Variants in KPNA1 observed in about 807,000 individuals in gnomAD.
The protein encoded by KPNA1 is importin subunit alpha-5.
A neutral mutation model predicts 70.5 loss-of-function variants in KPNA1; 10 were observed. The ratio of observed to expected loss-of-function variants is 0.14; its 90% confidence interval spans 0.09 to 0.24. KPNA1 has a LOEUF of 0.24. Ranked by LOEUF, KPNA1 falls within the 10% of genes least tolerant of loss-of-function variation. KPNA1 has a pLI of 1.00. For missense variants in KPNA1, 397 were observed against 637.9 expected (o/e 0.62, Z 4.07); for synonymous variants, 192 against 221.9 (o/e 0.87, Z 1.20).
At chr3:122,452,547 A>G in intron 6 of KPNA1, among the ~76,000 whole-genome samples, 1 of 32,882 alleles carries the variant, frequency 3.0e-5, no homozygotes, top group South Asian at 2.0e-3. Flanking sequence ...GGAGGGAAGG[A>G]GGGAGGGAGG....
intron 2 of KPNA1, among the ~76,000 whole-genome samples, 169 bp from the exon 3 acceptor site, chr3:122,467,598 CTT>C (rs2076395881): frequency 6.6e-6 from 1 of 151,854 alleles, no homozygotes; most frequent in Non-Finnish European, 1.5e-5. Context: ...TCTCCATAGT[CTT>C]ATAATCAAAT....
intron 1 of KPNA1, among the ~76,000 whole-genome samples, chr3:122,497,164 T>C (rs1406489959): frequency 1.3e-5 from 2 of 152,236 alleles, no homozygotes; most frequent in Non-Finnish European, 2.9e-5. Flanking sequence ...ACATTTCACA[T>C]GAACAGAACA....
chr3:122,489,042 G>C (rs2076663621), intron 2 of KPNA1, among the ~76,000 whole-genome samples: 1 of 122,940 alleles, frequency 8.1e-6, no homozygotes, highest in Non-Finnish European at 1.7e-5. Context: ...ACTCGCTTGT[G>C]GGTTTTTTTG....
chr3:122,503,241 T>C (rs763046362), intron 1 of KPNA1, among the ~76,000 whole-genome samples: 1 of 150,318 alleles, frequency 6.7e-6, no homozygotes, highest in African/African-American at 2.4e-5. Flanking sequence ...AAAGCCAGTG[T>C]TGGAAGCATG....
At chr3:122,477,145 AT>A (rs2076511080) in intron 2 of KPNA1, among the ~76,000 whole-genome samples, 1 of 152,188 alleles carries the variant, frequency 6.6e-6, no homozygotes, top group African/African-American at 2.4e-5. Context: ...AACCTGGAGG[AT>A]ATTATGTTAA....
chr3:122,437,070 G>T, intron 11 of KPNA1, 100 bp downstream of exon 11: 1 of 1,244,194 alleles, frequency 8.0e-7, no homozygotes, highest in Non-Finnish European at 1.1e-6. Flanking sequence ...AGGAGCCACC[G>T]CACCCAGCCA....
At chr3:122,471,163 C>T (rs191565193) in intron 2 of KPNA1, among the ~76,000 whole-genome samples, 99 of 152,124 alleles carry the variant, frequency 6.5e-4, no homozygotes, top group African/African-American at 2.3e-3. Context: ...AGAAGCTGGG[C>T]CTGCATACAA....
At chr3:122,440,348 A>G (rs1332275613) in intron 10 of KPNA1, among the ~76,000 whole-genome samples, 1 of 152,190 alleles carries the variant, frequency 6.6e-6, no homozygotes, top group Non-Finnish European at 1.5e-5. Flanking sequence ...GAGAATGTGG[A>G]TATGTGTGAG....
At chr3:122,431,772 A>AAT (rs1352808270) in intron 12 of KPNA1, among the ~76,000 whole-genome samples, 1 of 152,020 alleles carries the variant, frequency 6.6e-6, no homozygotes, top group Non-Finnish European at 1.5e-5. Context: ...GGCATAATAA[A>AAT]ATATATATGT....
intron 2 of KPNA1, among the ~76,000 whole-genome samples, chr3:122,490,014 T>C (rs566799509): frequency 7.2e-5 from 11 of 152,364 alleles, no homozygotes; most frequent in African/African-American, 1.2e-4. Flanking sequence ...GCTAGAGGGA[T>C]AGGCACTGTT....
chr3:122,436,548 A>G (rs901042540), intron 11 of KPNA1, among the ~76,000 whole-genome samples: 6 of 152,314 alleles, frequency 3.9e-5, no homozygotes, highest in African/African-American at 1.4e-4. Context: ...ACCGGCCGAC[A>G]CTTAGGGAAA....
chr3:122,431,185 A>C (rs2107716251), intron 12 of KPNA1, among the ~76,000 whole-genome samples: 1 of 152,298 alleles, frequency 6.6e-6, no homozygotes, highest in Admixed American at 6.5e-5. Context: ...TTTGAGACAG[A>C]GTCTCTCACT....
chr3:122,424,057 G>A lies in KPNA1; in HGVS notation c.*2928C>T, dbSNP rs929165493. 2.0e-5 allele frequency: 3 copies of A among 152,006 alleles called. No individual in the cohort carries two copies. The highest frequency in any genetic ancestry group is 4.4e-5 in the Non-Finnish European group (3 of 67,992). 9.4% of individuals were successfully genotyped at this position (152,006 alleles called of 1,614,324 possible). A position where few individuals can be genotyped will look rare whatever the true frequency, so the allele number is the denominator to read the frequency against. ...TCAATCCAACCACATCTACCTGCTG[G>A]TCCATCAGATACCAGATGCCTTTAC... On this transcript the variant is annotated 3_prime_UTR_variant, in exon 14 of 14. Transcript: ENST00000344337.
At chr3:122,452,206 T>A in intron 6 of KPNA1, 142 bp from the exon 7 acceptor site, 1 of 725,202 alleles carries the variant, frequency 1.4e-6, no homozygotes, top group South Asian at 1.6e-5. Flanking sequence ...ATAAATAATA[T>A]CCTAAAGTGT....
intron 1 of KPNA1, among the ~76,000 whole-genome samples, chr3:122,506,588 A>C (rs1426689869): frequency 1.3e-5 from 2 of 152,206 alleles, no homozygotes; most frequent in East Asian, 3.8e-4. Context: ...CAAAGTTTGA[A>C]AAACCCTTCA....
intron 2 of KPNA1, 57 bp downstream of exon 2, chr3:122,496,380 G>A: frequency 1.3e-6 from 2 of 1,518,340 alleles, no homozygotes; most frequent in Non-Finnish European, 9.1e-7. Context: ...GATAGTTTCA[G>A]GCTTAAAATG....
chr3:122,499,995 G>A (rs2076808242), intron 1 of KPNA1, among the ~76,000 whole-genome samples: 1 of 152,194 alleles, frequency 6.6e-6, no homozygotes, highest in Non-Finnish European at 1.5e-5. Context: ...GTCTTCACGT[G>A]TTACAGGTCT....
intron 2 of KPNA1, among the ~76,000 whole-genome samples, chr3:122,473,677 T>C (rs2076467508): frequency 6.6e-6 from 1 of 152,138 alleles, no homozygotes; most frequent in Non-Finnish European, 1.5e-5. Context: ...CCAACACCCA[T>C]TCACGATTTT....
chr3:122,469,500 T>C (rs916538768), intron 2 of KPNA1, among the ~76,000 whole-genome samples: 1 of 152,244 alleles, frequency 6.6e-6, no homozygotes, highest in Non-Finnish European at 1.5e-5. Flanking sequence ...AGGTATATAA[T>C]ATCTGGAAAA....
Sources: allele counts gnomAD v4.1 joint callset (sites outside exome capture counted in the v4.1 genomes callset), GRCh38; gene constraint gnomAD v4.1.1; transcripts MANE v1.5; gene names NCBI Gene and HGNC (gene_info 2026-07-23, HGNC 2026-07-21).